Variants in ERCC6 observed in about 807,000 individuals in gnomAD.
ERCC6 encodes DNA excision repair protein ERCC-6.
ERCC6 carries 116 observed loss-of-function variants against 158.7 expected under a neutral mutation model. The observed-to-expected ratio is 0.73, with a 90% confidence interval of 0.63 to 0.85. ERCC6 has a LOEUF of 0.85. ERCC6 is among the 40% of genes least tolerant of loss of function. The probability of loss-of-function intolerance (pLI) is 0.00; values close to 1 mark genes in which losing one functional copy is unlikely to be tolerated. For missense variants in ERCC6, 1,698 were observed against 1,799.4 expected (o/e 0.94, Z 1.02); for synonymous variants, 678 against 659.3 (o/e 1.03, Z -0.43).
In ERCC6 at chr10:49,517,620, CTTCT is replaced by C. The variant is rs547312622; in HGVS notation, c.1397+6409_1397+6412del. Among the ~76,000 whole-genome samples, 515 of 152,010 alleles carry C rather than the reference CTTCT, an allele frequency of 3.4e-3. 1 individual carries two copies. The highest frequency in any genetic ancestry group is 0.012 in the African/African-American group (485 of 41,498). On this transcript the variant is annotated intron_variant, in intron 5 of 20. Transcript: ENST00000355832. ...ATTCCTAAAAGAAAATGAACACAGT[CTTCT>C]TTCTTTTTTTTTTTTCTCTCAGGCT...
At position 49,470,577 on chromosome 10, in the gene ERCC6, T is replaced by C; in HGVS notation, c.3383A>G (p.Glu1128Gly). Residue 1128 changes from glutamate to glycine, a missense_variant, in exon 18 of 21, where the codon GAA becomes GGA. Glu to Gly is a moderately conservative substitution (Grantham distance 98, BLOSUM62 -2). Coordinates refer to ENST00000355832, the MANE Select transcript of ERCC6 (RefSeq NM_000124.4). ...GCCTGTTCCTGAAGAATTTGAACATTCCCCATTTCCACTAATCACTGACAA... is the reference window on the plus strand; with the variant it reads ...GCCTGTTCCTGAAGAATTTGAACATCCCCCATTTCCACTAATCACTGACAA... The part of the protein sequence containing the change: ...EELSVISGNG[E>G]CSNSSGTGKT... 1 of 1,614,104 alleles carries C rather than the reference T, an allele frequency of 6.2e-7. No individual in the cohort carries two copies. The highest frequency in any genetic ancestry group is 8.5e-7 in the Non-Finnish European group (1 of 1,179,986).
In ERCC6 at chr10:49,456,485, A is replaced by G. The variant is rs977504297; in HGVS notation, c.*2330T>C. The G allele has an allele frequency of 2.6e-5, 4 of 152,262 alleles. No homozygotes were observed. Among genetic ancestry groups the G allele is most frequent in the African/African-American group, 9.6e-5 (4 of 41,462 alleles). 9.4% of individuals were successfully genotyped at this position (152,262 alleles called of 1,614,324 possible). On this transcript the variant is annotated 3_prime_UTR_variant, in exon 21 of 21. Transcript: ENST00000355832. Reference sequence around the variant, plus strand: ...TTATTAGTAAAGGAAGAATGGGAAAATGACATTATAGCAGCAGTCTGTGTC... The same window carrying G: ...TTATTAGTAAAGGAAGAATGGGAAAGTGACATTATAGCAGCAGTCTGTGTC...
intron 13 of ERCC6, 110 bp downstream of exon 13, chr10:49,473,917 T>C: frequency 1.0e-6 from 1 of 986,830 alleles, no homozygotes; most frequent in South Asian, 1.3e-5. Context: ...CACCTCAGCA[T>C]CAGTGGTAGA....
intron 19 of ERCC6, among the ~76,000 whole-genome samples, chr10:49,460,727 C>A (rs930710592): frequency 1.3e-5 from 2 of 152,120 alleles, no homozygotes; most frequent in African/African-American, 2.4e-5. Flanking sequence ...TCGAGACTAG[C>A]CTGGCCAACA....
chr10:49,523,291 T>G (rs541250653), intron 5 of ERCC6, among the ~76,000 whole-genome samples: 1 of 152,356 alleles, frequency 6.6e-6, no homozygotes, highest in Admixed American at 6.5e-5. Flanking sequence ...TGGGGAGGCC[T>G]GCAATACAGA....
chr10:49,511,164 G>A (rs145132796), intron 5 of ERCC6, among the ~76,000 whole-genome samples: 16 of 152,206 alleles, frequency 1.1e-4, no homozygotes, highest in African/African-American at 2.2e-4. Flanking sequence ...GTTTCTGCAC[G>A]CCAGCTGATG....
chr10:49,515,792 C>T, intron 5 of ERCC6: 1 of 1,614,114 alleles, frequency 6.2e-7, no homozygotes, highest in Non-Finnish European at 8.5e-7. Context: ...TCTTCTTTTT[C>T]AGTTTCTGGG....
At chr10:49,467,600 C>T (rs1850700413) in intron 18 of ERCC6, among the ~76,000 whole-genome samples, 1 of 152,168 alleles carries the variant, frequency 6.6e-6, no homozygotes, top group South Asian at 2.1e-4. Flanking sequence ...GGGTCTCGCT[C>T]TGCTGCCCAG....
chr10:49,440,978 A>G, the ERCC6 span, among the ~76,000 whole-genome samples: 2 of 152,200 alleles, frequency 1.3e-5, no homozygotes, highest in Admixed American at 1.3e-4. Context: ...ATAGTGCTTT[A>G]CCTTTATTAA....
rs7075294 is a variant in ERCC6, at chr10:49,475,927, A to G, written c.2382+288T>C. Among the ~76,000 whole-genome samples the G allele has an allele frequency of 3.3e-3, 504 of 152,308 alleles. 3 individuals carry two copies. The highest frequency in any genetic ancestry group is 0.011 in the African/African-American group (459 of 41,558). On this transcript the variant is annotated intron_variant, in intron 12 of 20. Coordinates refer to ENST00000355832, the MANE Select transcript of ERCC6 (RefSeq NM_000124.4). ...GACACCCGCCCACCTACCAGGTAAG[A>G]CCCTCGGAAGTAACAGTAACTGCAC...
chr10:49,496,625 T>C (rs1851271236), intron 7 of ERCC6, among the ~76,000 whole-genome samples: 1 of 152,058 alleles, frequency 6.6e-6, no homozygotes, highest in Admixed American at 6.5e-5. Flanking sequence ...CTGGCCAACA[T>C]GGTGAAACCC....
At chr10:49,438,293 C>T in the ERCC6 span, among the ~76,000 whole-genome samples, 9 of 152,250 alleles carry the variant, frequency 5.9e-5, no homozygotes, top group Non-Finnish European at 1.2e-4. Flanking sequence ...TTTAACTGGA[C>T]TTACAGTTCT....
intron 18 of ERCC6, among the ~76,000 whole-genome samples, chr10:49,462,916 A>G (rs901076591): frequency 6.6e-6 from 1 of 152,246 alleles, no homozygotes. Flanking sequence ...ACAAACAAAC[A>G]AAACAAACTT....
chr10:49,498,503 G>C (rs1006015982), intron 7 of ERCC6, among the ~76,000 whole-genome samples: 1 of 152,140 alleles, frequency 6.6e-6, no homozygotes, highest in African/African-American at 2.4e-5. Flanking sequence ...TGAGCGGGGG[G>C]GACCACACTC....
the ERCC6 span, among the ~76,000 whole-genome samples, chr10:49,438,204 G>A: frequency 1.6e-4 from 24 of 152,206 alleles, no homozygotes; most frequent in Admixed American, 5.2e-4. Context: ...ACCAATACAC[G>A]TCAACTTTAG....
chr10:49,520,374 T>C (rs2281794), intron 5 of ERCC6, among the ~76,000 whole-genome samples: 15,676 of 152,146 alleles, frequency 0.1, 1,175 homozygotes, highest in East Asian at 0.39. Flanking sequence ...GCAACTTAAA[T>C]AGTAACTGCC....
rs1208368572 is a variant in ERCC6, at chr10:49,474,187, G to A, written c.2438C>T (p.Ser813Phe). The change falls in exon 13 of 21, where the codon TCT (serine) becomes TTT (phenylalanine). Residue 813 changes from serine (S) to phenylalanine (F), a missense_variant. By Grantham distance (155) the Ser-to-Phe change is radical. Coordinates refer to ENST00000355832, the MANE Select transcript of ERCC6 (RefSeq NM_000124.4). The stretch of plus-strand genomic sequence containing the variant: ...ACCTTTGAGATTCTTGGGACCTCCA[G>A]AAAAGAGATCAGGGTGGTTGCAAAT... ...RKICNHPDLF[S>F]GGPKNLKGLP... 2.5e-6 allele frequency: 4 copies of A among 1,614,002 alleles called. No individual in the cohort carries two copies. The highest frequency in any genetic ancestry group is 2.7e-5 in the African/African-American group (2 of 74,910).
intron 8 of ERCC6, among the ~76,000 whole-genome samples, chr10:49,491,215 T>C (rs1184201989): frequency 6.6e-6 from 1 of 152,196 alleles, no homozygotes; most frequent in Non-Finnish European, 1.5e-5. Context: ...ATATTAACAT[T>C]AATGAAAAGT....
intron 10 of ERCC6, among the ~76,000 whole-genome samples, chr10:49,480,955 A>C (rs1850968196): frequency 6.6e-6 from 1 of 152,242 alleles, no homozygotes; most frequent in African/African-American, 2.4e-5. Flanking sequence ...AAACTACTGG[A>C]ACTGACAAAA....
Sources: allele counts gnomAD v4.1 joint callset (sites outside exome capture counted in the v4.1 genomes callset), GRCh38; gene constraint gnomAD v4.1.1; transcripts MANE v1.5; gene names NCBI Gene and HGNC (gene_info 2026-07-23, HGNC 2026-07-21).